The following CTBP2 variants were observed in gnomAD, a reference collection of about 807,000 sequenced individuals.
The protein encoded by CTBP2 is C-terminal-binding protein 2.
Under a neutral mutation model 80.3 loss-of-function variants are expected in CTBP2, and 30 were observed. The observed-to-expected ratio is 0.37, with a 90% CI of 0.28 to 0.51. The LOEUF (loss-of-function observed/expected upper bound fraction) is 0.51. Ranked by LOEUF, CTBP2 falls within the 20% of genes least tolerant of loss-of-function variation. CTBP2 has a pLI of 0.93. For missense variants in CTBP2, 1,212 were observed against 1,375.3 expected, an observed-to-expected ratio of 0.88 and a Z score of 1.88; for synonymous variants, 594 against 587.4, an observed-to-expected ratio of 1.01 and a Z score of -0.16.
At chr10:124,997,835 G>A (rs967760943) in intron 4 of CTBP2, 129 bp downstream of exon 6, 13 of 924,260 alleles carry the variant, frequency 1.4e-5, no homozygotes, top group African/African-American at 3.3e-5. Flanking sequence ...CGTGCAACAC[G>A]GGGAGGGTGC....
intron 3 of CTBP2, among the ~76,000 whole-genome samples, chr10:125,037,215 G>A (rs1428985483): frequency 6.6e-6 from 1 of 152,192 alleles, no homozygotes; most frequent in African/African-American, 2.4e-5. Flanking sequence ...TGTCTGGATG[G>A]GACAGAGGGT....
In CTBP2 at chr10:124,988,744, G is replaced by T. The variant is rs1271417624; in HGVS notation, c.*774C>A. The T allele has an allele frequency of 6.5e-6, 1 of 152,714 alleles. No individual in the cohort carries two copies. Among genetic ancestry groups the T allele is most frequent in the South Asian group, 2.1e-4 (1 of 4,820 alleles). 9.5% of individuals were successfully genotyped at this position (152,714 alleles called of 1,614,324 possible). On this transcript the variant is annotated 3_prime_UTR_variant, in exon 9 of 9. Transcript: ENST00000309035. ...ACAATCTGACAAGTTACCATAAAAA[G>T]TGTTTCCTGAGACATAAGGAAATGC... is the stretch of plus-strand genomic sequence containing the variant.
chr10:125,145,577 G>A (rs1858617189), intron 1 of CTBP2, among the ~76,000 whole-genome samples: 1 of 152,144 alleles, frequency 6.6e-6, no homozygotes, highest in Admixed American at 6.5e-5. Context: ...GGCACAAACA[G>A]CCACTCCCTG....
intron 1 of CTBP2, among the ~76,000 whole-genome samples, chr10:125,131,502 T>C (rs1856178559): frequency 6.6e-6 from 1 of 152,126 alleles, no homozygotes; most frequent in Non-Finnish European, 1.5e-5. Flanking sequence ...GAGGTTCATT[T>C]AGGCTGGTGA....
chr10:125,056,845 C>T (rs1163228164), intron 2 of CTBP2, among the ~76,000 whole-genome samples: 3 of 152,230 alleles, frequency 2.0e-5, no homozygotes, highest in Admixed American at 1.3e-4. Context: ...CCTCCCAGTC[C>T]GTGTCTGTGG....
rs1952100808 is a variant in CTBP2, at chr10:124,987,895, A to AAAT, written c.*1620_*1622dup. 1 of 152,336 alleles carries AAAT rather than the reference A, an allele frequency of 6.6e-6. No individual in the cohort carries two copies. Among genetic ancestry groups the AAAT allele is most frequent in the South Asian group, 2.1e-4 (1 of 4,834 alleles). 9.4% of individuals were successfully genotyped at this position (152,336 alleles called of 1,614,324 possible). On this transcript the variant is annotated 3_prime_UTR_variant, in exon 9 of 9. Coordinates refer to ENST00000309035, the MANE Select transcript of CTBP2 (RefSeq NM_022802.3). ...ATTCTATTTAAAAAGAAGATCCATT[A>AAAT]AATCAAGCTCTTAACTCATGGGACT...
intron 2 of CTBP2, among the ~76,000 whole-genome samples, chr10:125,087,361 C>A (rs750212347): frequency 3.3e-5 from 5 of 152,060 alleles, no homozygotes; most frequent in Non-Finnish European, 7.4e-5. Context: ...CATGAGCCAC[C>A]GCGCCCAGCC....
rs1957777482 is a variant in CTBP2 at position 125,027,579 on chromosome 10, C to A, written c.181G>T (p.Ala61Ser). The A allele has an allele frequency of 6.2e-7, 1 of 1,614,112 alleles. No homozygotes were observed. The highest frequency in any genetic ancestry group is 8.5e-7 in the Non-Finnish European group (1 of 1,180,036). ...TAGGGCTCGGCGGCCACGGGCAGGG[C>A]AGCGTCCTGTGGTCGGTGGTTTGGC... Residue 61 changes from alanine (A) to serine (S), a missense_variant, in exon 1 of 9, where the codon GCC (alanine) becomes TCC (serine). Ala to Ser is a moderately conservative substitution (Grantham distance 99). This residue lies in a region of CTBP2 where 848 missense variants were observed against 782.3 expected (regional missense o/e 1.08). Coordinates refer to ENST00000309035, the MANE Select transcript of CTBP2 (RefSeq NM_022802.3).
chr10:125,090,515 C>A (rs1848619251), intron 2 of CTBP2, among the ~76,000 whole-genome samples: 1 of 150,086 alleles, frequency 6.7e-6, no homozygotes, highest in South Asian at 2.1e-4. Context: ...GTAATCCCAG[C>A]ACTTTGGGAG....
At chr10:125,063,362 C>T (rs1844119013) in intron 2 of CTBP2, among the ~76,000 whole-genome samples, 1 of 152,192 alleles carries the variant, frequency 6.6e-6, no homozygotes, top group African/African-American at 2.4e-5. Context: ...CCCCACACGT[C>T]ATGAGGCCTG....
At chr10:125,087,308 G>A (rs930660206) in intron 2 of CTBP2, among the ~76,000 whole-genome samples, 1 of 152,024 alleles carries the variant, frequency 6.6e-6, no homozygotes, top group African/African-American at 2.4e-5. Context: ...CTGACCTCAG[G>A]TGATTCGCCC....
chr10:125,030,415 C>A, upstream of CTBP2, among the ~76,000 whole-genome samples: 1 of 152,128 alleles, frequency 6.6e-6, no homozygotes, highest in Non-Finnish European at 1.5e-5. Context: ...TGTCAATTAA[C>A]AACAGAGACC....
At chr10:124,998,261 G>T in intron 3 of CTBP2, 91 bp from the exon 6 acceptor site, 1 of 1,421,252 alleles carries the variant, frequency 7.0e-7, no homozygotes, top group Non-Finnish European at 9.6e-7. Context: ...CTGAGACTCG[G>T]TTGTTGGCAC....
chr10:125,046,537 C>CAAA (rs57913854), intron 2 of CTBP2, among the ~76,000 whole-genome samples: 86 of 114,756 alleles, frequency 7.5e-4, no homozygotes, highest in Middle Eastern at 8.8e-3. Flanking sequence ...GACTCTATCT[C>CAAA]AAAAAAAAAA....
In CTBP2 at chr10:124,984,893, C is replaced by G; in HGVS notation, c.*4625G>C. ...CTCGGCGGCGAAATCACCCCCTGGTCACTCAGATGGTAGAAAAATGGCTTG... is the reference window on the plus strand; with the variant it reads ...CTCGGCGGCGAAATCACCCCCTGGTGACTCAGATGGTAGAAAAATGGCTTG... On this transcript the variant is annotated 3_prime_UTR_variant, in exon 9 of 9. Transcript: ENST00000309035. 1 of 1,613,920 alleles carries G rather than the reference C, an allele frequency of 6.2e-7. No homozygotes were observed. Among genetic ancestry groups the G allele is most frequent in the Non-Finnish European group, 8.5e-7 (1 of 1,180,012 alleles).
chr10:125,119,129 A>G (rs904050642), intron 1 of CTBP2, among the ~76,000 whole-genome samples: 1 of 152,226 alleles, frequency 6.6e-6, no homozygotes, highest in Non-Finnish European at 1.5e-5. Flanking sequence ...GGGCCAGACT[A>G]TATATTTACT....
At chr10:125,085,990 G>A (rs1847910468) in intron 2 of CTBP2, among the ~76,000 whole-genome samples, 2 of 152,188 alleles carry the variant, frequency 1.3e-5, no homozygotes, top group African/African-American at 4.8e-5. Flanking sequence ...CCTTTCCCCA[G>A]ATGCCCCATG....
chr10:124,986,624 TGTTTC>T lies in CTBP2; in HGVS notation c.*2889_*2893del, dbSNP rs911410269. On this transcript the variant is annotated 3_prime_UTR_variant, in exon 9 of 9. Transcript: ENST00000309035. ...TTGATATAATGTAAATGCTGCTGTT[TGTTTC>T]AAGTGGTGAATGTGTTGTTAAAAAT... 1 of 152,176 alleles carries T rather than the reference TGTTTC, an allele frequency of 6.6e-6. No individual in the cohort carries two copies. The highest frequency in any genetic ancestry group is 1.9e-4 in the East Asian group (1 of 5,198). 9.4% of individuals were successfully genotyped at this position (152,176 alleles called of 1,614,324 possible).
rs35684967 is a variant in CTBP2, at chr10:124,988,882, CTTTT to C, written c.*632_*635del. ...TACAAACAGCTTGTGAAACTTAATA[CTTTT>C]TTTTTTTTTTTTGCATCATCAGAGG... On this transcript the variant is annotated 3_prime_UTR_variant, in exon 9 of 9. Transcript: ENST00000309035. 13 of 140,782 alleles carry C rather than the reference CTTTT, an allele frequency of 9.2e-5. No homozygotes were observed. Among genetic ancestry groups the C allele is most frequent in the African/African-American group, 7.9e-5 (3 of 37,828 alleles). 8.7% of individuals were successfully genotyped at this position (140,782 alleles called of 1,614,324 possible). A position where few individuals can be genotyped will look rare whatever the true frequency, so the allele number is the denominator to read the frequency against.
Sources: allele counts gnomAD v4.1 joint callset (sites outside exome capture counted in the v4.1 genomes callset), GRCh38; gene constraint gnomAD v4.1.1; regional missense constraint gnomAD v4.1.1; transcripts MANE v1.5; gene names NCBI Gene and HGNC (gene_info 2026-07-23, HGNC 2026-07-21).